The following PKP2 variants were observed in gnomAD, a reference collection of about 807,000 sequenced individuals.
The protein encoded by PKP2 is plakophilin-2.
Under a neutral mutation model 83.4 loss-of-function variants are expected in PKP2, and 73 were observed. That is an observed-to-expected ratio of 0.88 (90% CI 0.72 to 1.06). The LOEUF (loss-of-function observed/expected upper bound fraction) is 1.06, where lower values mean the gene tolerates loss of function less well. Among genes scored for constraint, PKP2 ranks in the 50% least tolerant of loss-of-function variants. The probability of loss-of-function intolerance (pLI) is 0.00; values close to 1 mark genes in which losing one functional copy is unlikely to be tolerated. For synonymous variants in PKP2, 409 were observed against 430.4 expected, an observed-to-expected ratio of 0.95 and a Z score of 0.62; for missense variants, 966 against 1,065.4, an observed-to-expected ratio of 0.91 and a Z score of 1.30.
chr12:32,797,777 T>C (rs1263843434), intron 10 of PKP2, among the ~76,000 whole-genome samples: 3 of 151,924 alleles, frequency 2.0e-5, no homozygotes, highest in South Asian at 4.2e-4. Context: ...AGGATGATCT[T>C]GATCTCCTGA....
At position 32,792,500 on chromosome 12, in the gene PKP2, A is replaced by G. The variant is rs794729101; in HGVS notation, c.2446-8T>C. The G allele has an allele frequency of 2.5e-6, 4 of 1,612,598 alleles. No homozygotes were observed. The highest frequency in any genetic ancestry group is 3.4e-6 in the Non-Finnish European group (4 of 1,178,706). On this transcript the variant is annotated splice_region_variant and splice_polypyrimidine_tract_variant and intron_variant, in intron 12 of 12. Coordinates refer to ENST00000340811, the MANE Select transcript of PKP2 (RefSeq NM_001005242.3). Reference sequence around the variant, plus strand: ...TGTCTTCTTAAACTGAGCCTTTGGAATAAGCAAACAGAAACGTGAAAGGTA... The same window carrying G: ...TGTCTTCTTAAACTGAGCCTTTGGAGTAAGCAAACAGAAACGTGAAAGGTA...
In PKP2 at chr12:32,839,491, A is replaced by G. The variant is rs1470715911; in HGVS notation, c.1556+1537T>C. On this transcript the variant is annotated intron_variant, in intron 6 of 12. Transcript: ENST00000340811. The stretch of plus-strand genomic sequence containing the variant: ...GAGCCCACTATGAAAAAAGAAGAGC[A>G]AGCAGAGATGACATACAAACAGAAA... 7.3e-5 allele frequency among the ~76,000 whole-genome samples: 11 copies of G among 151,230 alleles called. 1 individual carries two copies.
intron 5 of PKP2, among the ~76,000 whole-genome samples, chr12:32,847,636 G>A (rs568170415): frequency 7.2e-5 from 11 of 152,182 alleles, no homozygotes; most frequent in South Asian, 2.1e-4. Context: ...CTAAATGACC[G>A]GCAGCTAGTT....
At chr12:32,828,545 G>A (rs1295619286) in intron 6 of PKP2, among the ~76,000 whole-genome samples, 1 of 152,124 alleles carries the variant, frequency 6.6e-6, no homozygotes, top group East Asian at 1.9e-4. Context: ...TGAAATTAGG[G>A]TACCCTAGAA....
chr12:32,866,022 G>GA (rs1263233512), intron 4 of PKP2, among the ~76,000 whole-genome samples: 1 of 151,758 alleles, frequency 6.6e-6, no homozygotes, highest in South Asian at 2.1e-4. Context: ...ACCATAAAGG[G>GA]AAAAAACTGA....
chr12:32,799,943 G>C (rs150185291), intron 10 of PKP2, among the ~76,000 whole-genome samples: 19 of 152,256 alleles, frequency 1.2e-4, no homozygotes, highest in African/African-American at 4.6e-4. Flanking sequence ...TTCTTAAAAG[G>C]TGTTAATATT....
intron 1 of PKP2, among the ~76,000 whole-genome samples, chr12:32,886,337 A>G (rs1467503484): frequency 6.6e-6 from 1 of 152,204 alleles, no homozygotes; most frequent in Non-Finnish European, 1.5e-5. Flanking sequence ...TCCAGGTAAG[A>G]CATGGGATCT....
intron 9 of PKP2, among the ~76,000 whole-genome samples, chr12:32,812,474 C>T (rs2137750450): frequency 1.3e-5 from 2 of 152,144 alleles, no homozygotes; most frequent in South Asian, 2.1e-4. Flanking sequence ...CAAGTTTTGG[C>T]AATTTACACA....
rs918791833 is a variant in PKP2 at position 32,792,251 on chromosome 12, T to C, written c.*173A>G. Reference sequence around the variant, plus strand: ...TCTACTGGTGGCAAACTTGCAAAGGTCTTCTGGAAGACTCATAAAATTATG... The same window carrying C: ...TCTACTGGTGGCAAACTTGCAAAGGCCTTCTGGAAGACTCATAAAATTATG... On this transcript the variant is annotated 3_prime_UTR_variant, in exon 13 of 13. Transcript: ENST00000340811. 8 of 664,926 alleles carry C rather than the reference T, an allele frequency of 1.2e-5. No individual in the cohort carries two copies. The highest frequency in any genetic ancestry group is 1.9e-5 in the Non-Finnish European group (7 of 365,532). The allele number at this position is 664,926 out of a possible 1,614,324, so 41.2% of individuals were successfully genotyped here. A position where few individuals can be genotyped will look rare whatever the true frequency, so the allele number is the denominator to read the frequency against.
At position 32,791,015 on chromosome 12, in the gene PKP2, A is replaced by C. The variant is rs1408700055; in HGVS notation, c.*1409T>G. 1 of 152,254 alleles carries C rather than the reference A, an allele frequency of 6.6e-6. No homozygotes were observed. The highest frequency in any genetic ancestry group is 1.5e-5 in the Non-Finnish European group (1 of 68,050). 9.4% of individuals were successfully genotyped at this position (152,254 alleles called of 1,614,324 possible). ...TTGCTTCAAATATAATAAAGACTTA[A>C]GTACACATTCAAAATTTATTTTCTG... is the stretch of plus-strand genomic sequence containing the variant. On this transcript the variant is annotated 3_prime_UTR_variant, in exon 13 of 13. Coordinates refer to ENST00000340811, the MANE Select transcript of PKP2 (RefSeq NM_001005242.3).
At position 32,792,263 on chromosome 12, in the gene PKP2, C is replaced by T; in HGVS notation, c.*161G>A. 1.4e-6 allele frequency: 1 copy of T among 691,524 alleles called. No homozygotes were observed. Among genetic ancestry groups the T allele is most frequent in the Non-Finnish European group, 2.6e-6 (1 of 378,510 alleles). The allele number at this position is 691,524 out of a possible 1,614,324, so 42.8% of individuals were successfully genotyped here. A position where few individuals can be genotyped will look rare whatever the true frequency, so the allele number is the denominator to read the frequency against. On this transcript the variant is annotated 3_prime_UTR_variant, in exon 13 of 13. Coordinates refer to ENST00000340811, the MANE Select transcript of PKP2 (RefSeq NM_001005242.3). ...AAACTTGCAAAGGTCTTCTGGAAGA[C>T]TCATAAAATTATGTTCTATTTGTTT...
chr12:32,855,794 A>AAAAAAAAAAAAG (rs1459718298), intron 4 of PKP2, among the ~76,000 whole-genome samples: 12 of 148,388 alleles, frequency 8.1e-5, no homozygotes, highest in African/African-American at 3.1e-4. Context: ...AAAAAAAAAA[A>AAAAAAAAAAAAG]AGGAAGAAAA....
chr12:32,816,416 T>A (rs1956320040), intron 9 of PKP2, among the ~76,000 whole-genome samples: 1 of 152,162 alleles, frequency 6.6e-6, no homozygotes, highest in South Asian at 2.1e-4. Flanking sequence ...AGGACATGAT[T>A]TTACTCTTTT....
intron 1 of PKP2, among the ~76,000 whole-genome samples, chr12:32,893,130 A>C (rs1177988065): frequency 6.6e-6 from 1 of 152,218 alleles, no homozygotes; most frequent in Non-Finnish European, 1.5e-5. Context: ...GAAAGAAGAC[A>C]AAGGGTTAAA....
At chr12:32,880,358 C>G (rs1956974581) in intron 1 of PKP2, among the ~76,000 whole-genome samples, 1 of 152,064 alleles carries the variant, frequency 6.6e-6, no homozygotes, top group Non-Finnish European at 1.5e-5. Flanking sequence ...CGAGATAGCG[C>G]CACTGCACTC....
At chr12:32,859,532 C>T (rs1312997590) in intron 4 of PKP2, among the ~76,000 whole-genome samples, 2 of 152,132 alleles carry the variant, frequency 1.3e-5, no homozygotes, top group African/African-American at 4.8e-5. Flanking sequence ...TCTTGGCTCA[C>T]TGCAACCTCT....
At chr12:32,825,817 T>C (rs770446095) in intron 6 of PKP2, among the ~76,000 whole-genome samples, 22 of 152,082 alleles carry the variant, frequency 1.4e-4, no homozygotes, top group East Asian at 7.8e-4. Context: ...AGGAAGAAGA[T>C]TGCTTGAGCC....
intron 4 of PKP2, chr12:32,863,406 C>A: frequency 4.0e-6 from 1 of 252,128 alleles, no homozygotes; most frequent in South Asian, 6.2e-5. Context: ...GACACAGAGT[C>A]CGAGTGATGC....
intron 5 of PKP2, among the ~76,000 whole-genome samples, chr12:32,847,730 T>C (rs1956659699): frequency 6.6e-6 from 1 of 152,154 alleles, no homozygotes; most frequent in African/African-American, 2.4e-5. Context: ...ATCCAAAGCC[T>C]ATTCCTTTTT....
Sources: gnomAD v4.1 joint callset for allele counts (sites outside exome capture counted in the v4.1 genomes callset) on GRCh38, gnomAD v4.1.1 for gene constraint, MANE v1.5 for transcripts, NCBI Gene and HGNC (gene_info 2026-07-23, HGNC 2026-07-21) for gene names.